SMARCA4: variants seen among roughly 807,000 people sequenced by gnomAD.
SMARCA4 encodes SWI/SNF related BAF chromatin remodeling complex subunit ATPase 4, also known as SWI/SNF-related matrix-associated actin-dependent regulator of chromatin subfamily A member 4.
A neutral mutation model predicts 193.9 loss-of-function variants in SMARCA4; 31 were observed. That is an observed-to-expected ratio of 0.16 (90% CI 0.12 to 0.22). The LOEUF (loss-of-function observed/expected upper bound fraction) is 0.22. Among genes scored for constraint, SMARCA4 ranks in the 10% least tolerant of loss-of-function variants. The pLI is 1.00. For missense variants in SMARCA4, 1,148 were observed against 2,296.0 expected (o/e 0.50, Z 10.22); for synonymous variants, 942 against 933.1 (o/e 1.01, Z -0.17).
chr19:11,023,518 G>A lies in SMARCA4; in HGVS notation c.2860G>A (p.Val954Met), dbSNP rs2146451972. 6.2e-7 allele frequency: 1 copy of A among 1,603,610 alleles called. No individual in the cohort carries two copies. The highest frequency in any genetic ancestry group is 8.5e-7 in the Non-Finnish European group (1 of 1,170,976). ...NAPFAMTGEK[V>M]DLNEEETILI... ...CTTCTCCTGTCTTGGGGGCTTCCAG[G>A]TGGACCTGAATGAGGAGGAAACCAT... Residue 954 changes from valine to methionine, a missense_variant and splice_region_variant, in exon 20 of 35, where the codon GTG becomes ATG. This residue lies in a region of SMARCA4 where 74 missense variants were observed against 392.3 expected (regional missense o/e 0.19). Transcript: ENST00000344626.
At chr19:11,021,515 T>C (rs1168857471) in intron 18 of SMARCA4, 1 of 701,948 alleles carries the variant, frequency 1.4e-6, no homozygotes, top group Admixed American at 2.0e-5. Flanking sequence ...GTCACGGGCC[T>C]GTCTCTGCCC....
intron 24 of SMARCA4, among the ~76,000 whole-genome samples, chr19:11,029,040 A>G (rs1300690241): frequency 1.3e-5 from 2 of 152,092 alleles, no homozygotes. Context: ...GTGTCCCTCC[A>G]AACTGCAGGT....
At chr19:11,025,547 T>C (rs1262819346) in intron 22 of SMARCA4, 39 bp downstream of exon 22, 2 of 1,443,310 alleles carry the variant, frequency 1.4e-6, no homozygotes, top group Admixed American at 3.3e-5. Flanking sequence ...GGCCCTGCTG[T>C]CTGCTGAGCT....
chr19:11,048,121 C>A (rs372286343), intron 30 of SMARCA4, among the ~76,000 whole-genome samples: 5 of 152,172 alleles, frequency 3.3e-5, no homozygotes, highest in Admixed American at 3.3e-4. Context: ...CTGAGAAGAG[C>A]TTGAATGGAA....
At chr19:10,988,015 A>G in intron 6 of SMARCA4, 91 bp downstream of exon 6, 1 of 1,365,622 alleles carries the variant, frequency 7.3e-7, no homozygotes, top group Non-Finnish European at 1.0e-6. Context: ...CACTCTAGCA[A>G]ACAGTGCCCT....
chr19:10,997,473 G>A (rs2087184662), intron 11 of SMARCA4, among the ~76,000 whole-genome samples: 1 of 152,104 alleles, frequency 6.6e-6, no homozygotes, highest in African/African-American at 2.4e-5. Flanking sequence ...TTACAGGCTT[G>A]ATCCACCATG....
intron 34 of SMARCA4, 45 bp downstream of exon 34, chr19:11,060,232 G>A (rs2147129312): frequency 6.5e-7 from 1 of 1,548,158 alleles, no homozygotes; most frequent in African/African-American, 1.4e-5. Context: ...TGTGGCAGGA[G>A]GCATCCCGGG....
Position 11,041,423 on chromosome 19 carries a change from C to T in SMARCA4, c.4287C>T (p.Arg1429=), listed in dbSNP as rs761380391. ...AGSSTPTTST[R]SRDKDDESKK... ...CCTCCACCCCGACCACCAGCACCCG[C>T]AGCCGCGACAAGGACGACGAGAGCA... Residue 1429 remains arginine (R), a synonymous_variant, in exon 30 of 35, where the codon CGC becomes CGT. Transcript: ENST00000344626. The surrounding 1 kb of genome is among the most constrained non-coding windows in gnomAD (Gnocchi z 5.6). 1.3e-5 allele frequency: 21 copies of T among 1,612,488 alleles called. No individual in the cohort carries two copies. In the South Asian group the frequency reaches 1.9e-4, roughly 14 times the overall value.
Position 11,021,719 on chromosome 19 carries a change from C to T in SMARCA4, c.2617-6C>T, listed in dbSNP as rs2089889510. 3.1e-6 allele frequency: 5 copies of T among 1,606,306 alleles called. No individual in the cohort carries two copies. The highest frequency in any genetic ancestry group is 4.3e-6 in the Non-Finnish European group (5 of 1,176,282). On this transcript the variant is annotated splice_region_variant and splice_polypyrimidine_tract_variant and intron_variant, in intron 18 of 34. Coordinates refer to ENST00000344626, the MANE Select transcript of SMARCA4 (RefSeq NM_003072.5). ...CTGCCCTGATTGCCCACTCTGGGGCCCGCAGATCCGTTGGAAGTACATGAT... is the reference window on the plus strand; with the variant it reads ...CTGCCCTGATTGCCCACTCTGGGGCTCGCAGATCCGTTGGAAGTACATGAT...
rs776710247 is a variant in SMARCA4, at chr19:10,987,959, C to G, written c.1118+35C>G. ...GGGCCCAGTTGCCAAGGTCACTGCC[C>G]TGTGTCCCCCATGTCCCCCTGGGGA... is the stretch of plus-strand genomic sequence containing the variant. On this transcript the variant is annotated intron_variant, in intron 6 of 34. Transcript: ENST00000344626. The surrounding 1 kb of genome is among the most constrained non-coding windows in gnomAD (Gnocchi z 5.3). 2 of 1,608,676 alleles carry G rather than the reference C, an allele frequency of 1.2e-6. No individual in the cohort carries two copies. The highest frequency in any genetic ancestry group is 3.3e-5 in the Admixed American group (2 of 59,856).
intron 30 of SMARCA4, among the ~76,000 whole-genome samples, chr19:11,050,349 G>A (rs763334164): frequency 6.6e-6 from 1 of 152,218 alleles, no homozygotes; most frequent in Non-Finnish European, 1.5e-5. Context: ...TGTGGTTACT[G>A]TAGGAGGGAC....
In SMARCA4 at chr19:11,033,723, C is replaced by A; in HGVS notation, c.3775-44C>A. 1 of 780,300 alleles carries A rather than the reference C, an allele frequency of 1.3e-6. No homozygotes were observed. The highest frequency in any genetic ancestry group is 1.3e-5 in the South Asian group (1 of 74,594). 48.3% of individuals were successfully genotyped at this position (780,300 alleles called of 1,614,324 possible). The stretch of plus-strand genomic sequence containing the variant: ...TTTCTAAACTGCTGGTGAAAGACGC[C>A]GGATTGACAGCCCTGGAGACTGAAG... On this transcript the variant is annotated intron_variant, in intron 26 of 34. Coordinates refer to ENST00000344626, the MANE Select transcript of SMARCA4 (RefSeq NM_003072.5). This position sits in a 1 kb window ranked among gnomAD's most constrained non-coding sequence, Gnocchi z 9.8.
chr19:10,984,242 A>T lies in SMARCA4; in HGVS notation c.91A>T (p.Ser31Cys), dbSNP rs2145722956. ...GPSPGAMLGPSPGPSPGSAHS... is the reference protein window; with the variant it reads ...GPSPGAMLGPCPGPSPGSAHS... ...TTCCCCTGGAGCCATGCTGGGCCCT[A>T]GCCCGGGTCCCTCGCCGGGCTCCGC... is the stretch of plus-strand genomic sequence containing the variant. The change falls in exon 2 of 35, where the codon AGC (serine) becomes TGC (cysteine). Residue 31 changes from serine (S) to cysteine (C), a missense_variant. Transcript: ENST00000344626. The surrounding 1 kb of genome is among the most constrained non-coding windows in gnomAD (Gnocchi z 4.3). 6.2e-7 allele frequency: 1 copy of T among 1,612,754 alleles called. No homozygotes were observed. The highest frequency in any genetic ancestry group is 8.5e-7 in the Non-Finnish European group (1 of 1,179,622).
intron 1 of SMARCA4, among the ~76,000 whole-genome samples, chr19:10,962,835 G>A (rs768486898): frequency 3.9e-5 from 6 of 152,032 alleles, no homozygotes; most frequent in African/African-American, 7.2e-5. Context: ...GAGCCACTGC[G>A]CCAGGATTGT....
At chr19:11,051,771 G>C (rs1464865637) in intron 30 of SMARCA4, among the ~76,000 whole-genome samples, 1 of 151,974 alleles carries the variant, frequency 6.6e-6, no homozygotes, top group Non-Finnish European at 1.5e-5. Context: ...TTACAGGAGT[G>C]AGCCACCATG....
intron 30 of SMARCA4, among the ~76,000 whole-genome samples, chr19:11,050,835 G>A (rs1343902976): frequency 6.6e-6 from 1 of 152,224 alleles, no homozygotes; most frequent in East Asian, 1.9e-4. Flanking sequence ...AGGAGTGGGA[G>A]CCATTCCTTG....
chr19:10,991,014 G>A, intron 7 of SMARCA4, 136 bp from the exon 8 acceptor site: 2 of 1,406,982 alleles, frequency 1.4e-6, no homozygotes, highest in Non-Finnish European at 1.9e-6. Flanking sequence ...GACGTCCCCT[G>A]CACACACGGA....
At chr19:10,978,140 C>A (rs1458783873) in intron 1 of SMARCA4, among the ~76,000 whole-genome samples, 1 of 152,182 alleles carries the variant, frequency 6.6e-6, no homozygotes. Flanking sequence ...ACTGAGACAT[C>A]CTCAGCAGTT....
Position 11,019,726 on chromosome 19 carries a change from C to T in SMARCA4, c.2616+25C>T. ...GGTAACGTGTCCCTGTGGGAAATGC[C>T]AGGCCATGGGCCGAGTGCTCACACG... is the stretch of plus-strand genomic sequence containing the variant. On this transcript the variant is annotated intron_variant, in intron 18 of 34. Transcript: ENST00000344626. This position sits in a 1 kb window ranked among gnomAD's most constrained non-coding sequence, Gnocchi z 6.1. 2 of 1,532,084 alleles carry T rather than the reference C, an allele frequency of 1.3e-6. No homozygotes were observed. The allele number at this position is 1,532,084 out of a possible 1,614,324, so 94.9% of individuals were successfully genotyped here. A position where few individuals can be genotyped will look rare whatever the true frequency, so the allele number is the denominator to read the frequency against.
Sources: allele counts gnomAD v4.1 joint callset (sites outside exome capture counted in the v4.1 genomes callset), GRCh38; gene constraint gnomAD v4.1.1; regional missense constraint gnomAD v4.1.1; non-coding constraint Gnocchi (gnomAD v3.1); transcripts MANE v1.5; gene names NCBI Gene and HGNC (gene_info 2026-07-23, HGNC 2026-07-21).